Variants in CNTNAP5 observed in about 807,000 individuals in gnomAD.
CNTNAP5 encodes contactin-associated protein-like 5.
Under a neutral mutation model 150.2 loss-of-function variants are expected in CNTNAP5, and 72 were observed. That is an observed-to-expected ratio of 0.48 (90% confidence interval 0.40 to 0.58). The LOEUF is 0.58. Ranked by LOEUF, CNTNAP5 falls within the 20% of genes least tolerant of loss-of-function variation. The probability of loss-of-function intolerance (pLI) is 0.00; values close to 1 mark genes in which losing one functional copy is unlikely to be tolerated. For missense variants in CNTNAP5, 1,636 were observed against 1,626.2 expected (o/e 1.01, Z -0.10); for synonymous variants, 672 against 619.8 (o/e 1.08, Z -1.25).
intron 1 of CNTNAP5, among the ~76,000 whole-genome samples, chr2:124,192,396 C>T (rs1685480539): frequency 6.6e-6 from 1 of 152,128 alleles, no homozygotes; most frequent in South Asian, 2.1e-4. Context: ...CAAGTACTGC[C>T]CACTGTGGCT....
At chr2:124,753,266 A>ATT (rs1295158536) in intron 14 of CNTNAP5, among the ~76,000 whole-genome samples, 1 of 152,196 alleles carries the variant, frequency 6.6e-6, no homozygotes, top group Non-Finnish European at 1.5e-5. Context: ...TTTTTAGCAC[A>ATT]TGGAATCCTG....
chr2:124,194,048 C>G (rs1034780013), intron 1 of CNTNAP5, among the ~76,000 whole-genome samples: 1 of 152,082 alleles, frequency 6.6e-6, no homozygotes, highest in African/African-American at 2.4e-5. Context: ...TGTGCCTGTT[C>G]GCTGCACACA....
chr2:124,105,049 G>A (rs1683146251), intron 1 of CNTNAP5, among the ~76,000 whole-genome samples: 1 of 151,628 alleles, frequency 6.6e-6, no homozygotes, highest in Non-Finnish European at 1.5e-5. Flanking sequence ...ACATATATAA[G>A]CATATAAAGA....
intron 8 of CNTNAP5, among the ~76,000 whole-genome samples, chr2:124,505,765 CA>C (rs113316900): frequency 0.037 from 5,566 of 152,198 alleles, 130 homozygotes; most frequent in Non-Finnish European, 0.042. Context: ...ACTAAGTTGA[CA>C]AATACTCATT....
intron 1 of CNTNAP5, among the ~76,000 whole-genome samples, chr2:124,205,961 T>G (rs1685852796): frequency 6.6e-6 from 1 of 152,236 alleles, no homozygotes; most frequent in East Asian, 1.9e-4. Flanking sequence ...AGTGGGCCTT[T>G]AGTCCCTACT....
chr2:124,327,943 T>G (rs1486853948), intron 3 of CNTNAP5, among the ~76,000 whole-genome samples: 1 of 152,176 alleles, frequency 6.6e-6, no homozygotes, highest in African/African-American at 2.4e-5. Context: ...GATACTTTTA[T>G]GTCATAAGAT....
At chr2:124,871,875 A>G (rs1263303923) in intron 21 of CNTNAP5, among the ~76,000 whole-genome samples, 1 of 151,988 alleles carries the variant, frequency 6.6e-6, no homozygotes, top group Non-Finnish European at 1.5e-5. Flanking sequence ...TATTATTCAT[A>G]TGTATCTGTT....
chr2:124,385,549 T>A (rs1690906015), intron 3 of CNTNAP5, among the ~76,000 whole-genome samples: 1 of 152,234 alleles, frequency 6.6e-6, no homozygotes, highest in Non-Finnish European at 1.5e-5. Context: ...ATATCTTCCT[T>A]TTTTATAACT....
At chr2:124,509,720 A>G (rs1233181136) in intron 8 of CNTNAP5, among the ~76,000 whole-genome samples, 1 of 152,170 alleles carries the variant, frequency 6.6e-6, no homozygotes, top group African/African-American at 2.4e-5. Flanking sequence ...TGCTTAAATA[A>G]CTCAAATGTA....
At chr2:124,086,507 G>A (rs979835828) in intron 1 of CNTNAP5, among the ~76,000 whole-genome samples, 3 of 151,424 alleles carry the variant, frequency 2.0e-5, no homozygotes, top group African/African-American at 7.3e-5. Context: ...CTGGCCTGGT[G>A]TACACACTTT....
chr2:124,871,740 T>C (rs1201463086), intron 21 of CNTNAP5, among the ~76,000 whole-genome samples: 1 of 152,142 alleles, frequency 6.6e-6, no homozygotes, highest in Non-Finnish European at 1.5e-5. Flanking sequence ...CATCCTTTTT[T>C]CTTTGATGTT....
At chr2:124,715,395 G>C (rs1190416884) in intron 13 of CNTNAP5, among the ~76,000 whole-genome samples, 1 of 152,084 alleles carries the variant, frequency 6.6e-6, no homozygotes, top group Non-Finnish European at 1.5e-5. Context: ...TTTTGGTTCA[G>C]ACTCCTCACT....
At chr2:124,383,607 G>T (rs1237575871) in intron 3 of CNTNAP5, among the ~76,000 whole-genome samples, 1 of 152,134 alleles carries the variant, frequency 6.6e-6, no homozygotes, top group East Asian at 1.9e-4. Context: ...AGTAAACTCT[G>T]CCATATGCTA....
At position 124,527,170 on chromosome 2, in the gene CNTNAP5, C is replaced by T. The variant is rs1180002072; in HGVS notation, c.1478-115C>T. The T allele has an allele frequency of 3.8e-6, 3 of 791,620 alleles. No homozygotes were observed. In the African/African-American group the frequency reaches 5.2e-5, roughly 14 times the overall value. 49.0% of individuals were successfully genotyped at this position (791,620 alleles called of 1,614,324 possible). A position where few individuals can be genotyped will look rare whatever the true frequency, so the allele number is the denominator to read the frequency against. ...TTTATAATGAAAAGGGTGTGCACTG[C>T]TGTGAATGAGAAAGCACCAAACTAA... On this transcript the variant is annotated intron_variant, in intron 9 of 23. Transcript: ENST00000682447.
At chr2:124,781,580 C>T (rs1681453393) in intron 17 of CNTNAP5, among the ~76,000 whole-genome samples, 1 of 152,130 alleles carries the variant, frequency 6.6e-6, no homozygotes, top group South Asian at 2.1e-4. Flanking sequence ...TCTGGGAGGA[C>T]ACCTGGAGCC....
At chr2:124,619,696 G>A (rs1677567864) in intron 12 of CNTNAP5, among the ~76,000 whole-genome samples, 1 of 151,648 alleles carries the variant, frequency 6.6e-6, no homozygotes, top group Non-Finnish European at 1.5e-5. Context: ...AAATGAGGAG[G>A]AATTCTGAAA....
chr2:124,040,485 C>T (rs1015814959), intron 1 of CNTNAP5, among the ~76,000 whole-genome samples: 8 of 152,010 alleles, frequency 5.3e-5, no homozygotes, highest in Admixed American at 2.0e-4. Flanking sequence ...ATTGATTCGT[C>T]GTTTTCAGAT....
intron 3 of CNTNAP5, among the ~76,000 whole-genome samples, chr2:124,386,661 C>T (rs1361697855): frequency 5.3e-5 from 8 of 152,232 alleles, no homozygotes; most frequent in Non-Finnish European, 1.2e-4. Context: ...CCCCTACACA[C>T]TTTGACAGTC....
chr2:124,562,393 T>G lies in CNTNAP5; in HGVS notation c.1650-824T>G, dbSNP rs1485939526. ...ATCATTTGTTGGAGTTTTATGATAG[T>G]CCATTAATTTTATGTACTACAGATT... On this transcript the variant is annotated intron_variant, in intron 10 of 23. Coordinates refer to ENST00000682447, the MANE Select transcript of CNTNAP5 (RefSeq NM_001367498.1). Among the ~76,000 whole-genome samples, 5 of 152,342 alleles carry G rather than the reference T, an allele frequency of 3.3e-5. No homozygotes were observed. The East Asian group carries it at 5.8e-4, about 18-fold the overall frequency.
Sources: gnomAD v4.1 joint callset for allele counts (sites outside exome capture counted in the v4.1 genomes callset) on GRCh38, gnomAD v4.1.1 for gene constraint, MANE v1.5 for transcripts, NCBI Gene and HGNC (gene_info 2026-07-23, HGNC 2026-07-21) for gene names.